Variants in EPB41 observed in about 807,000 individuals in gnomAD.
EPB41 encodes the protein erythrocyte membrane protein band 4.1.
In EPB41, 65 loss-of-function variants were observed where a neutral mutation model predicts 108.0. The ratio of observed to expected loss-of-function variants is 0.60; its 90% CI spans 0.49 to 0.74. The LOEUF (loss-of-function observed/expected upper bound fraction) is 0.74, where lower values mean the gene tolerates loss of function less well. Ranked by LOEUF, EPB41 falls within the 30% of genes least tolerant of loss-of-function variation. The probability of loss-of-function intolerance (pLI) is 0.00; values close to 1 mark genes in which losing one functional copy is unlikely to be tolerated. For missense variants in EPB41, 875 were observed against 1,037.0 expected (o/e 0.84, Z 2.15); for synonymous variants, 336 against 358.9 (o/e 0.94, Z 0.72).
At chr1:29,106,018 G>A (rs1031479051) in intron 17 of EPB41, among the ~76,000 whole-genome samples, 1 of 152,090 alleles carries the variant, frequency 6.6e-6, no homozygotes, top group African/African-American at 2.4e-5. Context: ...CCACAGTGCT[G>A]GGATTTCAGG....
intron 1 of EPB41, chr1:28,982,578 C>T (rs1178706102): frequency 8.6e-6 from 13 of 1,504,672 alleles, no homozygotes; most frequent in Non-Finnish European, 1.2e-5. Context: ...CCAGGACAAG[C>T]ACCACCTTCC....
chr1:28,897,170 T>C (rs1360532620), intron 1 of EPB41, among the ~76,000 whole-genome samples: 5 of 152,028 alleles, frequency 3.3e-5, no homozygotes, highest in African/African-American at 1.2e-4. Flanking sequence ...GGATGAGACC[T>C]CTTTGGGGTG....
At chr1:29,078,819 T>C (rs1655177008) in intron 16 of EPB41, among the ~76,000 whole-genome samples, 1 of 152,160 alleles carries the variant, frequency 6.6e-6, no homozygotes, top group Non-Finnish European at 1.5e-5. Context: ...CCAAATTGCA[T>C]TGTGTTAACT....
intron 16 of EPB41, chr1:29,069,173 G>C: frequency 8.1e-7 from 1 of 1,231,058 alleles, no homozygotes; most frequent in East Asian, 3.2e-5. Context: ...CAGTCCCCTA[G>C]CTACTTTCTC....
intron 1 of EPB41, among the ~76,000 whole-genome samples, chr1:28,959,700 A>C (rs1011729108): frequency 2.6e-5 from 4 of 152,226 alleles, no homozygotes; most frequent in Non-Finnish European, 1.5e-5. Flanking sequence ...AGGTAGAGGT[A>C]GACTTGACAG....
At chr1:29,005,479 A>AT (rs1362124738) in intron 4 of EPB41, among the ~76,000 whole-genome samples, 1 of 152,118 alleles carries the variant, frequency 6.6e-6, no homozygotes, top group Non-Finnish European at 1.5e-5. Flanking sequence ...AACTTTATTA[A>AT]TCTATCCTGG....
chr1:28,974,511 TCATA>T (rs941532430), intron 1 of EPB41, among the ~76,000 whole-genome samples: 35 of 152,250 alleles, frequency 2.3e-4, no homozygotes, highest in African/African-American at 7.7e-4. Flanking sequence ...TGAAGAAGAC[TCATA>T]CAAACATAAA....
chr1:28,918,859 T>C (rs2092871084), intron 1 of EPB41, among the ~76,000 whole-genome samples: 1 of 152,236 alleles, frequency 6.6e-6, no homozygotes, highest in Non-Finnish European at 1.5e-5. Flanking sequence ...TTGTTGTTCA[T>C]TTAAGTTTCT....
In EPB41 at chr1:28,972,664, A is replaced by ATGATGAT. The variant is rs1188607863; in HGVS notation, c.-7-14766_-7-14765insGATGATT. On this transcript the variant is annotated intron_variant, in intron 1 of 20. Transcript: ENST00000343067. ...GCCCAGGCTGGAGTGCAGTAGTGTGATCATGATTCACCGCAGCCTCCAACT... is the reference window on the plus strand; with the variant it reads ...GCCCAGGCTGGAGTGCAGTAGTGTGATGATGATTCATGATTCACCGCAGCCTCCAACT... 2.7e-4 allele frequency among the ~76,000 whole-genome samples: 41 copies of ATGATGAT among 151,474 alleles called. No homozygotes were observed. In the East Asian group the frequency reaches 8.0e-3, roughly 30 times the overall value.
chr1:29,104,847 C>A (rs982268275), intron 17 of EPB41, among the ~76,000 whole-genome samples: 3 of 152,090 alleles, frequency 2.0e-5, no homozygotes, highest in African/African-American at 7.2e-5. Flanking sequence ...CTCGGCCTCC[C>A]AAAGTGCTGG....
chr1:29,014,641 T>C (rs2788886), intron 5 of EPB41, among the ~76,000 whole-genome samples: 30,512 of 151,970 alleles, frequency 0.2, 3,895 homozygotes, highest in East Asian at 0.47. Context: ...TCCTAGCTCA[T>C]TGCAGCCTTG....
chr1:29,079,931 G>T (rs1255874467), intron 16 of EPB41, among the ~76,000 whole-genome samples: 1 of 151,944 alleles, frequency 6.6e-6, no homozygotes, highest in African/African-American at 2.4e-5. Context: ...GGGTGGCGGA[G>T]GTTGCAGTGA....
intron 11 of EPB41, among the ~76,000 whole-genome samples, chr1:29,044,015 G>C (rs1356348063): frequency 6.6e-6 from 1 of 152,274 alleles, no homozygotes; most frequent in Admixed American, 6.5e-5. Context: ...CAGAGTTGGG[G>C]ATATGGAAAA....
chr1:28,902,750 G>A (rs1005330987), intron 1 of EPB41, among the ~76,000 whole-genome samples: 4 of 152,240 alleles, frequency 2.6e-5, no homozygotes, highest in East Asian at 1.9e-4. Flanking sequence ...AAGATTATAA[G>A]TGGAGGAAAT....
chr1:29,079,088 C>T (rs182204004), intron 16 of EPB41, among the ~76,000 whole-genome samples: 4 of 151,982 alleles, frequency 2.6e-5, no homozygotes, highest in East Asian at 3.9e-4. Flanking sequence ...CTCCGCCTCC[C>T]GGGTTAAAGT....
intron 1 of EPB41, among the ~76,000 whole-genome samples, chr1:28,984,257 T>C (rs760813666): frequency 2.0e-5 from 3 of 152,156 alleles, no homozygotes; most frequent in Non-Finnish European, 4.4e-5. Flanking sequence ...AAAACAGGGA[T>C]ATAAAGTCTC....
At chr1:29,089,332 AAAG>A (rs757861314) in intron 16 of EPB41, among the ~76,000 whole-genome samples, 10 of 152,230 alleles carry the variant, frequency 6.6e-5, no homozygotes, top group Admixed American at 2.6e-4. Flanking sequence ...AGCACAGGAC[AAAG>A]AAGAAGTTCT....
chr1:29,096,208 T>A, intron 16 of EPB41: 1 of 985,902 alleles, frequency 1.0e-6, no homozygotes, highest in Non-Finnish European at 1.2e-6. Context: ...AGGGGCCATC[T>A]ACTAACCCTG....
chr1:29,015,743 C>A lies in EPB41; in HGVS notation c.881C>A (p.Ala294Glu). 1.9e-6 allele frequency: 3 copies of A among 1,605,410 alleles called. No homozygotes were observed. The highest frequency in any genetic ancestry group is 2.6e-6 in the Non-Finnish European group (3 of 1,172,568). The change falls in exon 6 of 21, where the codon GCA becomes GAA. Residue 294 changes from alanine to glutamate, a missense_variant. Physicochemically the swap from Ala to Glu is moderately radical, Grantham distance 107. Transcript: ENST00000343067. ...GTAAAGTTTTATCCACCTGACCCAG[C>A]ACAGTTAACAGAAGACATAACAAGG... is the stretch of plus-strand genomic sequence containing the variant. ...FNVKFYPPDPAQLTEDITRYY... is the reference protein window; with the variant it reads ...FNVKFYPPDPEQLTEDITRYY...
Sources: gnomAD v4.1 joint callset for allele counts (sites outside exome capture counted in the v4.1 genomes callset) on GRCh38, gnomAD v4.1.1 for gene constraint, MANE v1.5 for transcripts, NCBI Gene and HGNC (gene_info 2026-07-23, HGNC 2026-07-21) for gene names.